FMNL2: variants seen among roughly 807,000 people sequenced by gnomAD.
The protein encoded by FMNL2 is formin like 2, also known as formin-like protein 2.
In FMNL2, 51 loss-of-function variants were observed where a neutral mutation model predicts 130.2. That is an observed-to-expected ratio of 0.39 (90% CI 0.31 to 0.49). FMNL2 has a LOEUF of 0.49. FMNL2 is among the 20% of genes least tolerant of loss of function. FMNL2 has a pLI of 0.85. For synonymous variants in FMNL2, 465 were observed against 467.1 expected (o/e 1.00, Z 0.06); for missense variants, 977 against 1,316.2 (o/e 0.74, Z 3.99).
intron 25 of FMNL2, among the ~76,000 whole-genome samples, chr2:152,644,593 A>G (rs1388347451): frequency 6.6e-6 from 1 of 152,206 alleles, no homozygotes; most frequent in African/African-American, 2.4e-5. Context: ...GCCCATGTTC[A>G]ACTATCAGTA....
intron 1 of FMNL2, among the ~76,000 whole-genome samples, chr2:152,513,282 C>T (rs898226997): frequency 2.1e-4 from 32 of 152,160 alleles, no homozygotes; most frequent in African/African-American, 6.3e-4. Flanking sequence ...CTCAAGTTAC[C>T]GTTTCCTCCT....
intron 11 of FMNL2, among the ~76,000 whole-genome samples, chr2:152,612,899 A>G (rs78455720): frequency 6.6e-6 from 1 of 152,322 alleles, no homozygotes; most frequent in East Asian, 1.9e-4. Context: ...TGTGAAGAAT[A>G]TAGAAGTACT....
intron 6 of FMNL2, among the ~76,000 whole-genome samples, chr2:152,564,546 ACT>A (rs1445697063): frequency 6.6e-6 from 1 of 152,078 alleles, no homozygotes; most frequent in Non-Finnish European, 1.5e-5. Context: ...ACATGGTGAA[ACT>A]CTGTCTCTAC....
At chr2:152,634,623 T>C (rs1455114751) in intron 21 of FMNL2, among the ~76,000 whole-genome samples, 3 of 152,236 alleles carry the variant, frequency 2.0e-5, no homozygotes, top group Admixed American at 6.5e-5. Context: ...TGCAAAAAGT[T>C]GTCGAGATGC....
chr2:152,418,699 A>G (rs1169534228), intron 1 of FMNL2, among the ~76,000 whole-genome samples: 1 of 152,184 alleles, frequency 6.6e-6, no homozygotes, highest in African/African-American at 2.4e-5. Context: ...TTGTTTATCT[A>G]TGCATCTATT....
At chr2:152,641,051 G>A in intron 25 of FMNL2, 137 bp downstream of exon 25, 2 of 1,135,518 alleles carry the variant, frequency 1.8e-6, no homozygotes, top group Non-Finnish European at 2.5e-6. Context: ...CCAGAGTGAT[G>A]CAGAGAGGCT....
At position 152,607,076 on chromosome 2, in the gene FMNL2, T is replaced by A. The variant is rs192041313; in HGVS notation, c.877-263T>A. Among the ~76,000 whole-genome samples the A allele has an allele frequency of 3.1e-3, 456 of 146,018 alleles. 3 individuals carry two copies. The highest frequency in any genetic ancestry group is 0.011 in the African/African-American group (428 of 40,196). On this transcript the variant is annotated intron_variant, in intron 9 of 25. Coordinates refer to ENST00000288670, the MANE Select transcript of FMNL2 (RefSeq NM_052905.4). ...ATGTATGCTAAAAAATTCGTGAGAC[T>A]GCAAAGGCAACCAATGAAAGAAAAA...
intron 1 of FMNL2, among the ~76,000 whole-genome samples, chr2:152,370,199 C>G (rs920986899): frequency 1.1e-4 from 16 of 152,160 alleles, no homozygotes; most frequent in African/African-American, 3.9e-4. Flanking sequence ...GTTGTAAGTT[C>G]AAGATCAGGG....
intron 1 of FMNL2, among the ~76,000 whole-genome samples, chr2:152,495,793 A>C (rs1280507279): frequency 6.6e-6 from 1 of 151,848 alleles, no homozygotes; most frequent in Non-Finnish European, 1.5e-5. Context: ...ATCAACTAGG[A>C]TGCCTTGTTT....
chr2:152,351,717 A>G lies in FMNL2; in HGVS notation c.117+15997A>G, dbSNP rs188464325. ...TTTATAATCTTTTGGGTATATACCC[A>G]TAATGGGATTGCTGGGTCAAATGGT... On this transcript the variant is annotated intron_variant, in intron 1 of 25. Coordinates refer to ENST00000288670, the MANE Select transcript of FMNL2 (RefSeq NM_052905.4). Among the ~76,000 whole-genome samples, 8 of 152,318 alleles carry G rather than the reference A, an allele frequency of 5.3e-5. No individual in the cohort carries two copies. The East Asian group carries it at 1.3e-3, about 26-fold the overall frequency.
chr2:152,581,264 G>A (rs1187966173), intron 9 of FMNL2, among the ~76,000 whole-genome samples: 1 of 151,848 alleles, frequency 6.6e-6, no homozygotes, highest in Non-Finnish European at 1.5e-5. Flanking sequence ...TTTTTTTGTT[G>A]TTGTTGTTTT....
In FMNL2 at chr2:152,578,954, A is replaced by C. The variant is rs1219323730; in HGVS notation, c.772A>C (p.Lys258Gln). The C allele has an allele frequency of 6.2e-7, 1 of 1,613,316 alleles. No homozygotes were observed. Among genetic ancestry groups the C allele is most frequent in the Non-Finnish European group, 8.5e-7 (1 of 1,179,512 alleles). The change falls in exon 8 of 26, where the codon AAG (lysine) becomes CAG (glutamine). Residue 258 changes from lysine to glutamine, a missense_variant. Coordinates refer to ENST00000288670, the MANE Select transcript of FMNL2 (RefSeq NM_052905.4). The stretch of plus-strand genomic sequence containing the variant: ...TGAGATTGCACTAAGCCTGAACAAC[A>C]AGAATCCCAGGTAAGCTGCTTTTGT... The part of the protein sequence containing the change: ...VNEIALSLNN[K>Q]NPRTKALVLE...
At chr2:152,586,985 T>C (rs1697116712) in intron 9 of FMNL2, among the ~76,000 whole-genome samples, 1 of 152,182 alleles carries the variant, frequency 6.6e-6, no homozygotes, top group Admixed American at 6.5e-5. Flanking sequence ...TGCCAGTCCA[T>C]CTGGAGGCTG....
At chr2:152,496,241 G>T (rs1379694513) in intron 1 of FMNL2, among the ~76,000 whole-genome samples, 1 of 152,132 alleles carries the variant, frequency 6.6e-6, no homozygotes, top group Admixed American at 6.5e-5. Context: ...GGAACAGTCA[G>T]TCTGTCTTTG....
chr2:152,614,962 T>C lies in FMNL2; in HGVS notation c.1174T>C (p.Leu392=), dbSNP rs1363419652. ...LEDAETKNAA[L]ERVEELEENI... is the part of the protein sequence containing the mutation. ...AGATGCTGAAACTAAGAATGCTGCC[T>C]TGGAGAGGGTGGAAGAACTGGAAGA... is the stretch of plus-strand genomic sequence containing the variant. The change falls in exon 12 of 26, where the codon TTG becomes CTG. Residue 392 remains leucine, a synonymous_variant. Coordinates refer to ENST00000288670, the MANE Select transcript of FMNL2 (RefSeq NM_052905.4). 1 of 1,613,050 alleles carries C rather than the reference T, an allele frequency of 6.2e-7. No homozygotes were observed. The highest frequency in any genetic ancestry group is 8.5e-7 in the Non-Finnish European group (1 of 1,179,672).
intron 1 of FMNL2, among the ~76,000 whole-genome samples, chr2:152,412,842 A>G (rs1007914171): frequency 2.6e-5 from 4 of 152,184 alleles, no homozygotes; most frequent in Non-Finnish European, 4.4e-5. Flanking sequence ...AATTATTTCC[A>G]TATCTTTTCT....
chr2:152,419,381 AAG>A (rs1472433218), intron 1 of FMNL2, among the ~76,000 whole-genome samples: 2 of 152,206 alleles, frequency 1.3e-5, no homozygotes, highest in African/African-American at 4.8e-5. Flanking sequence ...GCCCTCAAAA[AAG>A]GAAGAAATTC....
chr2:152,448,225 TAAC>T (rs1245448555), intron 1 of FMNL2, among the ~76,000 whole-genome samples: 1 of 151,926 alleles, frequency 6.6e-6, no homozygotes. Context: ...AAACACATAA[TAAC>T]AGAAGGCTAT....
At chr2:152,613,246 C>T (rs1277733062) in intron 11 of FMNL2, among the ~76,000 whole-genome samples, 1 of 152,138 alleles carries the variant, frequency 6.6e-6, no homozygotes, top group Non-Finnish European at 1.5e-5. Context: ...CCCTTTTTCT[C>T]CTATGCTCTA....
Sources: allele counts gnomAD v4.1 joint callset (sites outside exome capture counted in the v4.1 genomes callset), GRCh38; gene constraint gnomAD v4.1.1; transcripts MANE v1.5; gene names NCBI Gene and HGNC (gene_info 2026-07-23, HGNC 2026-07-21).